Variants in EML4 observed in about 807,000 individuals in gnomAD.
EML4 encodes the protein EMAP like 4, also known as echinoderm microtubule-associated protein-like 4.
EML4 carries 72 observed loss-of-function variants against 129.0 expected under a neutral mutation model. That is an observed-to-expected ratio of 0.56 (90% CI 0.46 to 0.68). The LOEUF is 0.68. Among genes scored for constraint, EML4 ranks in the 30% least tolerant of loss-of-function variants. The pLI, the probability that EML4 is intolerant of heterozygous loss-of-function variation, is 0.00. For missense variants in EML4, 1,363 were observed against 1,190.6 expected (o/e 1.14, Z -2.13); for synonymous variants, 532 against 405.0 (o/e 1.31, Z -3.77).
intron 1 of EML4, among the ~76,000 whole-genome samples, chr2:42,242,459 A>G (rs1280070861): frequency 6.6e-6 from 1 of 152,154 alleles, no homozygotes; most frequent in Non-Finnish European, 1.5e-5. Context: ...ACTGGAACAC[A>G]AGGTAGTTAG....
At chr2:42,279,150 A>G (rs933074626) in intron 6 of EML4, among the ~76,000 whole-genome samples, 4 of 151,696 alleles carry the variant, frequency 2.6e-5, no homozygotes, top group African/African-American at 9.7e-5. Context: ...TTATTGCAAG[A>G]TGTGTGTGTG....
chr2:42,217,457 C>T (rs1390777337), intron 1 of EML4, among the ~76,000 whole-genome samples: 1 of 152,230 alleles, frequency 6.6e-6, no homozygotes, highest in Admixed American at 6.5e-5. Flanking sequence ...TCTTGTTTGG[C>T]CCTCTGTGGA....
rs1221410285 is a variant in EML4 at position 42,261,145 on chromosome 2, A to G, written c.363A>G (p.Lys121=). ...AKSGTEKKKE[K]PQGQREKKEE... ...GTGGTACAGAAAAAAAGAAAGAAAA[A>G]CCACAAGGACAGAGAGAAAAAAAAG... The change falls in exon 4 of 23, where the codon AAA becomes AAG. Residue 121 remains lysine (K), a synonymous_variant. Transcript: ENST00000318522. 9 of 1,610,374 alleles carry G rather than the reference A, an allele frequency of 5.6e-6. No individual in the cohort carries two copies. The highest frequency in any genetic ancestry group is 3.4e-5 in the Admixed American group (2 of 59,022).
intron 2 of EML4, among the ~76,000 whole-genome samples, chr2:42,250,749 G>A (rs1041136188): frequency 2.6e-5 from 4 of 151,964 alleles, no homozygotes; most frequent in South Asian, 2.1e-4. Flanking sequence ...TGGGTGGGGG[G>A]AGGTGTTGGG....
intron 1 of EML4, among the ~76,000 whole-genome samples, chr2:42,210,191 G>A (rs750165468): frequency 1.3e-5 from 2 of 152,114 alleles, no homozygotes; most frequent in Non-Finnish European, 2.9e-5. Context: ...GTCCCATCCA[G>A]TTGTCATATC....
chr2:42,226,409 C>T (rs1673959068), intron 1 of EML4, among the ~76,000 whole-genome samples: 2 of 151,896 alleles, frequency 1.3e-5, no homozygotes, highest in Non-Finnish European at 2.9e-5. Flanking sequence ...GCTGTAAACC[C>T]AGCACTTTGG....
intron 1 of EML4, among the ~76,000 whole-genome samples, chr2:42,178,157 A>G (rs1202072194): frequency 6.6e-6 from 1 of 152,224 alleles, no homozygotes; most frequent in Non-Finnish European, 1.5e-5. Context: ...GAATCAGTGT[A>G]ATTCAGGCAA....
At position 42,304,004 on chromosome 2, in the gene EML4, G is replaced by A. The variant is rs535186323; in HGVS notation, c.1900-480G>A. Among the ~76,000 whole-genome samples the A allele has an allele frequency of 7.9e-5, 12 of 152,272 alleles. 1 individual carries two copies. In the South Asian group the frequency reaches 2.5e-3, roughly 32 times the overall value. ...TCAGCTTCAGTAGTAAAATCATAAA[G>A]ATTTCAAATATCTACATAGCATTAA... On this transcript the variant is annotated intron_variant, in intron 16 of 22. Coordinates refer to ENST00000318522, the MANE Select transcript of EML4 (RefSeq NM_019063.5).
chr2:42,232,939 A>G (rs192528378), intron 1 of EML4, among the ~76,000 whole-genome samples: 2 of 152,008 alleles, frequency 1.3e-5, no homozygotes, highest in African/African-American at 2.4e-5. Context: ...GTTAGCCAGG[A>G]TGGTCTCCAT....
At position 42,169,495 on chromosome 2, in the gene EML4, A is replaced by G. The variant is rs1196278460; in HGVS notation, c.-117A>G. ...ACGGACGACGGAGGCGGGAGCCGGT[A>G]GCCGAGCCGGGCGACCTAGAGAACG... On this transcript the variant is annotated 5_prime_UTR_variant, in exon 1 of 23. Transcript: ENST00000318522. 3.2e-6 allele frequency: 4 copies of G among 1,241,648 alleles called. No individual in the cohort carries two copies. The highest frequency in any genetic ancestry group is 4.4e-6 in the Non-Finnish European group (4 of 916,918). 76.9% of individuals were successfully genotyped at this position (1,241,648 alleles called of 1,614,324 possible).
chr2:42,254,174 G>A (rs184409919), intron 2 of EML4, among the ~76,000 whole-genome samples: 5 of 152,220 alleles, frequency 3.3e-5, no homozygotes, highest in Non-Finnish European at 5.9e-5. Context: ...GTAATTGGTG[G>A]TCGGGCACAG....
intron 2 of EML4, among the ~76,000 whole-genome samples, chr2:42,254,099 A>C (rs2104345803): frequency 6.6e-6 from 1 of 152,300 alleles, no homozygotes; most frequent in South Asian, 2.1e-4. Context: ...AAGTGGGCAA[A>C]ATGTTTGAGC....
chr2:42,280,990 T>C lies in EML4; in HGVS notation c.791+17T>C, dbSNP rs1285840005. 2 of 1,551,972 alleles carry C rather than the reference T, an allele frequency of 1.3e-6. No homozygotes were observed. The highest frequency in any genetic ancestry group is 1.7e-6 in the Non-Finnish European group (2 of 1,150,438). ...GGAGTGGGCGTATCCTTCTCTACCA[T>C]GACAGCAAATTCATTTGCTTTGTCT... On this transcript the variant is annotated intron_variant, in intron 7 of 22. Coordinates refer to ENST00000318522, the MANE Select transcript of EML4 (RefSeq NM_019063.5).
chr2:42,252,659 C>G (rs1294144580), intron 2 of EML4, among the ~76,000 whole-genome samples: 1 of 152,174 alleles, frequency 6.6e-6, no homozygotes, highest in East Asian at 1.9e-4. Flanking sequence ...ACCACCCACT[C>G]AATGCCGCAA....
chr2:42,260,789 C>G (rs1318243550), intron 3 of EML4, among the ~76,000 whole-genome samples: 2 of 152,126 alleles, frequency 1.3e-5, no homozygotes, highest in Non-Finnish European at 2.9e-5. Flanking sequence ...CACAGATAGT[C>G]CTCTGATTTG....
At chr2:42,313,245 C>A (rs1196067624) in intron 17 of EML4, among the ~76,000 whole-genome samples, 2 of 151,442 alleles carry the variant, frequency 1.3e-5, no homozygotes, top group Non-Finnish European at 2.9e-5. Flanking sequence ...CATGAGCCAC[C>A]GCGCCTGGCT....
intron 17 of EML4, among the ~76,000 whole-genome samples, chr2:42,305,124 T>A (rs1024979836): frequency 6.6e-6 from 1 of 151,656 alleles, no homozygotes; most frequent in Non-Finnish European, 1.5e-5. Context: ...TCAAAAAAAA[T>A]AATAAGGCGA....
chr2:42,257,316 A>AT (rs1372608325), intron 3 of EML4, among the ~76,000 whole-genome samples: 5 of 152,214 alleles, frequency 3.3e-5, no homozygotes, highest in Non-Finnish European at 7.3e-5. Context: ...TGGAGAGACC[A>AT]TAGGTGATCA....
chr2:42,178,212 G>A (rs913487637), intron 1 of EML4, among the ~76,000 whole-genome samples: 17 of 152,062 alleles, frequency 1.1e-4, no homozygotes, highest in African/African-American at 4.1e-4. Context: ...GTAGGGCTAG[G>A]GTATGTTTAC....
Sources: allele counts gnomAD v4.1 joint callset (sites outside exome capture counted in the v4.1 genomes callset), GRCh38; gene constraint gnomAD v4.1.1; transcripts MANE v1.5; gene names NCBI Gene and HGNC (gene_info 2026-07-23, HGNC 2026-07-21).